Variants in ULK4 observed in about 807,000 individuals in gnomAD.
ULK4 encodes the protein inactive serine/threonine-protein kinase ULK4.
A neutral mutation model predicts 160.6 loss-of-function variants in ULK4; 133 were observed. The observed-to-expected ratio is 0.83, with a 90% CI of 0.72 to 0.96. The LOEUF is 0.96. Ranked by LOEUF, ULK4 falls within the 40% of genes least tolerant of loss-of-function variation. The probability of loss-of-function intolerance (pLI) is 0.00; values close to 1 mark genes in which losing one functional copy is unlikely to be tolerated. For missense variants in ULK4, 1,580 were observed against 1,499.5 expected (o/e 1.05, Z -0.89); for synonymous variants, 534 against 539.8 (o/e 0.99, Z 0.15).
chr3:41,405,320 T>A (rs994862028), intron 34 of ULK4, among the ~76,000 whole-genome samples: 1 of 152,224 alleles, frequency 6.6e-6, no homozygotes, highest in Non-Finnish European at 1.5e-5. Context: ...TTCTTTTTTA[T>A]GGATGTGTAT....
intron 11 of ULK4, among the ~76,000 whole-genome samples, chr3:41,910,860 G>A (rs1221897329): frequency 6.6e-6 from 1 of 152,060 alleles, no homozygotes; most frequent in Non-Finnish European, 1.5e-5. Context: ...CTACTTGAGA[G>A]GCTAAAGTGG....
At chr3:41,323,574 C>T (rs1285008922) in intron 35 of ULK4, among the ~76,000 whole-genome samples, 1 of 152,102 alleles carries the variant, frequency 6.6e-6, no homozygotes, top group East Asian at 1.9e-4. Context: ...TTGGTCTCAG[C>T]ACTACTACAC....
At chr3:41,585,444 C>A (rs1247191944) in intron 31 of ULK4, among the ~76,000 whole-genome samples, 1 of 152,122 alleles carries the variant, frequency 6.6e-6, no homozygotes, top group African/African-American at 2.4e-5. Context: ...ACAAATGGCA[C>A]TGGGGGAAAC....
intron 20 of ULK4, among the ~76,000 whole-genome samples, chr3:41,793,863 A>G (rs1461873680): frequency 1.3e-5 from 2 of 152,144 alleles, no homozygotes; most frequent in South Asian, 2.1e-4. Context: ...ATACCTACCA[A>G]TGCTGCCACT....
chr3:41,494,050 A>G (rs1309173953), intron 32 of ULK4, among the ~76,000 whole-genome samples: 2 of 132,110 alleles, frequency 1.5e-5, no homozygotes, highest in Non-Finnish European at 3.3e-5. Context: ...ATCAATAGAA[A>G]AAGAGGGAAT....
At chr3:41,837,417 C>T (rs960542817) in intron 17 of ULK4, among the ~76,000 whole-genome samples, 2 of 152,114 alleles carry the variant, frequency 1.3e-5, no homozygotes, top group African/African-American at 2.4e-5. Flanking sequence ...AGAAAGCCAT[C>T]AATTTACTTT....
At chr3:41,908,352 A>G (rs943207337) in intron 11 of ULK4, among the ~76,000 whole-genome samples, 3 of 152,310 alleles carry the variant, frequency 2.0e-5, no homozygotes, top group African/African-American at 7.2e-5. Flanking sequence ...GTTACAATCC[A>G]TACCTATTTG....
intron 21 of ULK4, among the ~76,000 whole-genome samples, chr3:41,756,875 T>C (rs2038820940): frequency 6.6e-6 from 1 of 152,158 alleles, no homozygotes; most frequent in African/African-American, 2.4e-5. Context: ...TTCAAAGATC[T>C]AGAAGAGGCC....
intron 17 of ULK4, among the ~76,000 whole-genome samples, chr3:41,846,986 AC>A (rs762004986): frequency 6.6e-6 from 1 of 152,168 alleles, no homozygotes; most frequent in Non-Finnish European, 1.5e-5. Flanking sequence ...GGTTCTATTA[AC>A]CTAACAGAAA....
rs989678511 is a variant in ULK4, at chr3:41,392,030, G to C, written c.3678+6049C>G. On this transcript the variant is annotated intron_variant, in intron 35 of 36. Transcript: ENST00000301831. The stretch of plus-strand genomic sequence containing the variant: ...AATTTTAGGCACAGAACAAATCTGT[G>C]GTGGTTCATGTGTAGTCAATATTTT... Among the ~76,000 whole-genome samples the C allele has an allele frequency of 5.3e-5, 8 of 152,068 alleles. No homozygotes were observed. In the East Asian group the frequency reaches 7.7e-4, roughly 15 times the overall value.
At chr3:41,943,126 T>C (rs551285042) in intron 2 of ULK4, among the ~76,000 whole-genome samples, 87 of 148,384 alleles carry the variant, frequency 5.9e-4, no homozygotes, top group African/African-American at 2.0e-3. Context: ...GGCAGCAGAA[T>C]GGCGTGAACC....
rs374229134 is a variant in ULK4, at chr3:41,954,639, G to C, written c.121C>G (p.Pro41Ala). The C allele has an allele frequency of 3.2e-5, 51 of 1,612,630 alleles. No homozygotes were observed. The highest frequency in any genetic ancestry group is 4.2e-5 in the Non-Finnish European group (50 of 1,179,540). The change falls in exon 2 of 37, where the codon CCT becomes GCT. Residue 41 changes from proline to alanine, a missense_variant. Pro to Ala is a conservative substitution (Grantham distance 27). Coordinates refer to ENST00000301831, the MANE Select transcript of ULK4 (RefSeq NM_017886.4). The stretch of plus-strand genomic sequence containing the variant: ...TGACTTACCCAGTTGGTTATTTCAG[G>C]CCTTTTGCACTTATCAGTACAAAGA... ...AILCTDKCKRPEITNWVRLTR... is the reference protein window; with the variant it reads ...AILCTDKCKRAEITNWVRLTR...
At chr3:41,915,849 C>T (rs1041993955) in intron 8 of ULK4, 128 bp downstream of exon 8, 12 of 643,354 alleles carry the variant, frequency 1.9e-5, no homozygotes, top group Middle Eastern at 3.4e-4. Context: ...ATATTAAGAA[C>T]AGCACCATTT....
chr3:41,862,598 T>A lies in ULK4; in HGVS notation c.1656+21276A>T, dbSNP rs547037351. On this transcript the variant is annotated intron_variant, in intron 17 of 36. Coordinates refer to ENST00000301831, the MANE Select transcript of ULK4 (RefSeq NM_017886.4). ...TGGGTGTTGTGATCTAGGCTGTATC[T>A]GCTTTAGGGGGCACCCCGTGCCCAG... Among the ~76,000 whole-genome samples the A allele has an allele frequency of 7.2e-5, 11 of 152,356 alleles. No individual in the cohort carries two copies. In the South Asian group the frequency reaches 2.3e-3, roughly 32 times the overall value.
At chr3:41,314,440 G>C (rs1011025346) in intron 35 of ULK4, among the ~76,000 whole-genome samples, 3 of 152,038 alleles carry the variant, frequency 2.0e-5, no homozygotes, top group African/African-American at 7.2e-5. Flanking sequence ...TTATGAGTTT[G>C]AACATGTGAT....
intron 5 of ULK4, among the ~76,000 whole-genome samples, chr3:41,923,010 A>T (rs1699247532): frequency 6.6e-6 from 1 of 151,566 alleles, no homozygotes; most frequent in Non-Finnish European, 1.5e-5. Context: ...CGTCTCTATT[A>T]AAAATACAAA....
chr3:41,289,887 GTA>G (rs1371480227), intron 35 of ULK4, among the ~76,000 whole-genome samples: 1 of 151,954 alleles, frequency 6.6e-6, no homozygotes, highest in African/African-American at 2.4e-5. Context: ...GTGTGTGTGT[GTA>G]TGTGTGACGG....
At chr3:41,418,628 T>C (rs183058126) in intron 34 of ULK4, among the ~76,000 whole-genome samples, 1 of 152,322 alleles carries the variant, frequency 6.6e-6, no homozygotes, top group East Asian at 1.9e-4. Context: ...GAAATGTGTA[T>C]GCTTTTAATC....
intron 30 of ULK4, among the ~76,000 whole-genome samples, chr3:41,662,098 T>C (rs551836642): frequency 1.3e-5 from 2 of 152,224 alleles, no homozygotes; most frequent in African/African-American, 4.8e-5. Context: ...TATAACTATC[T>C]GAATTTTTAT....
Sources: allele counts gnomAD v4.1 joint callset (sites outside exome capture counted in the v4.1 genomes callset), GRCh38; gene constraint gnomAD v4.1.1; transcripts MANE v1.5; gene names NCBI Gene and HGNC (gene_info 2026-07-23, HGNC 2026-07-21).